The following PSPH variants were observed in gnomAD, a reference collection of about 807,000 sequenced individuals.
PSPH encodes phosphoserine phosphatase, also known as L-3-phosphoserine phosphatase.
Under a neutral mutation model 23.4 loss-of-function variants are expected in PSPH, and 16 were observed. The observed-to-expected ratio is 0.68, with a 90% confidence interval of 0.46 to 1.04. The LOEUF is 1.04. PSPH is among the 50% of genes least tolerant of loss of function. PSPH has a pLI of 0.00. For missense variants in PSPH, 223 were observed against 273.7 expected, an observed-to-expected ratio of 0.81 and a Z score of 1.31; for synonymous variants, 68 against 99.7, an observed-to-expected ratio of 0.68 and a Z score of 1.89.
At chr7:56,014,951 A>G in intron 7 of PSPH, 72 bp downstream of exon 7, 1 of 1,414,418 alleles carries the variant, frequency 7.1e-7, no homozygotes, top group Non-Finnish European at 9.5e-7. Flanking sequence ...CTCAAAAAAA[A>G]TAAAGAAATA....
intron 1 of PSPH, among the ~76,000 whole-genome samples, chr7:56,044,190 C>T (rs1354698679): frequency 6.6e-6 from 1 of 152,082 alleles, no homozygotes; most frequent in Admixed American, 6.6e-5. Context: ...GGTCTGTCCA[C>T]CTTGGCCTCA....
At chr7:56,026,146 T>C (rs1035744377) in intron 3 of PSPH, among the ~76,000 whole-genome samples, 1 of 152,146 alleles carries the variant, frequency 6.6e-6, no homozygotes, top group Non-Finnish European at 1.5e-5. Context: ...AAATATTTTA[T>C]GAATTAAATA....
intron 3 of PSPH, among the ~76,000 whole-genome samples, chr7:56,030,932 C>T (rs1004700921): frequency 6.6e-6 from 1 of 151,500 alleles, no homozygotes; most frequent in African/African-American, 2.4e-5. Flanking sequence ...AACTGAGGGG[C>T]CGGGCGCGGT....
At chr7:56,023,892 G>T (rs560047821) in intron 3 of PSPH, among the ~76,000 whole-genome samples, 13 of 152,062 alleles carry the variant, frequency 8.5e-5, no homozygotes, top group African/African-American at 2.4e-4. Context: ...TCACAAGTAA[G>T]AATGATTTTT....
chr7:56,050,949 C>T (rs747220427), intron 1 of PSPH, among the ~76,000 whole-genome samples, 189 bp downstream of exon 1: 1 of 152,034 alleles, frequency 6.6e-6, no homozygotes, highest in Non-Finnish European at 1.5e-5. Flanking sequence ...AAGGCCGAGG[C>T]GGGAGGATCA....
chr7:56,018,429 C>G (rs925661865), intron 5 of PSPH, among the ~76,000 whole-genome samples: 3 of 152,006 alleles, frequency 2.0e-5, no homozygotes, highest in Admixed American at 6.6e-5. Flanking sequence ...GCCCATGGAC[C>G]CAGAAAAACA....
At chr7:56,016,441 C>G (rs1433231493) in intron 6 of PSPH, among the ~76,000 whole-genome samples, 1 of 150,650 alleles carries the variant, frequency 6.6e-6, no homozygotes. Flanking sequence ...TCAGTCACTC[C>G]TTGATGTAAC....
chr7:56,028,624 G>A (rs1790529711), intron 3 of PSPH, among the ~76,000 whole-genome samples: 1 of 152,054 alleles, frequency 6.6e-6, no homozygotes, highest in African/African-American at 2.4e-5. Context: ...CTGGATTTTA[G>A]GACCTTAACT....
chr7:56,043,887 C>A (rs1174425074), intron 1 of PSPH, among the ~76,000 whole-genome samples: 2 of 152,034 alleles, frequency 1.3e-5, no homozygotes, highest in Non-Finnish European at 1.5e-5. Context: ...ACAAGCCAAG[C>A]CATCATTCAC....
intron 3 of PSPH, among the ~76,000 whole-genome samples, chr7:56,022,203 T>C (rs1318872821): frequency 6.6e-6 from 1 of 151,650 alleles, no homozygotes; most frequent in Non-Finnish European, 1.5e-5. Context: ...AGCATAGTGG[T>C]GCACGCCTGT....
At chr7:56,017,953 C>T (rs1788804400) in intron 5 of PSPH, among the ~76,000 whole-genome samples, 1 of 151,776 alleles carries the variant, frequency 6.6e-6, no homozygotes. Context: ...GAACTCCTGA[C>T]CTCAGGTGAT....
Position 56,046,079 on chromosome 7 carries a change from G to C in PSPH, c.-292+5059C>G, listed in dbSNP as rs573311833. ...ATGGTGGGTTTGGATCACAGCTAAG[G>C]AACACTCAGCTCGGGGAATCTATTG... On this transcript the variant is annotated intron_variant, in intron 1 of 7. Coordinates refer to ENST00000275605, the MANE Select transcript of PSPH (RefSeq NM_004577.4). Among the ~76,000 whole-genome samples, 10 of 152,092 alleles carry C rather than the reference G, an allele frequency of 6.6e-5. 1 individual carries two copies. In the South Asian group the frequency reaches 1.9e-3, roughly 28 times the overall value.
intron 1 of PSPH, among the ~76,000 whole-genome samples, chr7:56,038,415 C>T (rs533593226): frequency 3.9e-5 from 6 of 152,002 alleles, no homozygotes; most frequent in African/African-American, 7.2e-5. Flanking sequence ...GCGGAGATCG[C>T]GCCACTGCAC....
Position 56,011,097 on chromosome 7 carries a change from C to CAAACTTTTATTGACATACT in PSPH, c.*664_*665insAGTATGTCAATAAAAGTTT, listed in dbSNP as rs1192487154. The CAAACTTTTATTGACATACT allele has an allele frequency of 1.3e-5, 2 of 150,196 alleles. No homozygotes were observed. Among genetic ancestry groups the CAAACTTTTATTGACATACT allele is most frequent in the African/African-American group, 5.1e-5 (2 of 39,264 alleles). The allele number at this position is 150,196 out of a possible 1,614,324, so 9.3% of individuals were successfully genotyped here. The stretch of plus-strand genomic sequence containing the variant: ...TACGGATAAACTTTTATTGACATAC[C>CAAACTTTTATTGACATACT]AAAGAGAAACCAATATTCACTGAAG... On this transcript the variant is annotated 3_prime_UTR_variant, in exon 8 of 8. Coordinates refer to ENST00000275605, the MANE Select transcript of PSPH (RefSeq NM_004577.4).
intron 4 of PSPH, among the ~76,000 whole-genome samples, chr7:56,020,625 GAA>G (rs374365759): frequency 6.7e-5 from 6 of 90,022 alleles, no homozygotes; most frequent in African/African-American, 7.8e-5. Context: ...ACTCCGTCTC[GAA>G]AAAAAAAAAA....
intron 1 of PSPH, among the ~76,000 whole-genome samples, chr7:56,035,681 GCT>G (rs1248354663): frequency 2.0e-5 from 3 of 151,572 alleles, no homozygotes; most frequent in African/African-American, 7.3e-5. Context: ...GTGCAGTGGT[GCT>G]ATCTCAGCTC....
rs538523670 is a variant in PSPH, at chr7:56,027,896, A to G, written c.-20+4033T>C. On this transcript the variant is annotated intron_variant, in intron 3 of 7. Coordinates refer to ENST00000275605, the MANE Select transcript of PSPH (RefSeq NM_004577.4). The stretch of plus-strand genomic sequence containing the variant: ...AGTAAGATTCTTTCTCTAAAAAAAA[A>G]AAAAAAAAAAAAAAAAGTGGGGCAT... 4.7e-4 allele frequency among the ~76,000 whole-genome samples: 71 copies of G among 150,210 alleles called. 1 individual carries two copies. In the East Asian group the frequency reaches 0.013, roughly 28 times the overall value.
intron 1 of PSPH, among the ~76,000 whole-genome samples, chr7:56,045,921 C>T (rs1367670842): frequency 6.6e-6 from 1 of 151,424 alleles, no homozygotes; most frequent in African/African-American, 2.4e-5. Context: ...AACAAGTCTC[C>T]TGTGTCAGAG....
Position 56,026,390 on chromosome 7 carries a change from C to T in PSPH, c.-19-5159G>A, listed in dbSNP as rs1158325020. On this transcript the variant is annotated intron_variant, in intron 3 of 7. Coordinates refer to ENST00000275605, the MANE Select transcript of PSPH (RefSeq NM_004577.4). ...ACTTGGGACGGAGAGGCGGGAGAAC[C>T]GCTTGAATCTGGGAGGTGGAGACAT... is the stretch of plus-strand genomic sequence containing the variant. Among the ~76,000 whole-genome samples, 13 of 150,298 alleles carry T rather than the reference C, an allele frequency of 8.6e-5. No homozygotes were observed. In the South Asian group the frequency reaches 1.9e-3, roughly 22 times the overall value.
Sources: gnomAD v4.1 joint callset for allele counts (sites outside exome capture counted in the v4.1 genomes callset) on GRCh38, gnomAD v4.1.1 for gene constraint, MANE v1.5 for transcripts, NCBI Gene and HGNC (gene_info 2026-07-23, HGNC 2026-07-21) for gene names.